Variants in FARS2 observed in about 807,000 individuals in gnomAD.
FARS2 encodes the protein phenylalanine--tRNA ligase, mitochondrial.
In FARS2, 40 loss-of-function variants were observed where a neutral mutation model predicts 46.4. That is an observed-to-expected ratio of 0.86 (90% CI 0.67 to 1.12). The LOEUF (loss-of-function observed/expected upper bound fraction) is 1.12, where lower values mean the gene tolerates loss of function less well. FARS2 is among the 50% of genes most tolerant of loss of function. The pLI, the probability that FARS2 is intolerant of heterozygous loss-of-function variation, is 0.00. For missense variants in FARS2, 513 were observed against 567.9 expected (o/e 0.90, Z 0.98); for synonymous variants, 234 against 214.9 (o/e 1.09, Z -0.78).
At chr6:5,621,248 G>A (rs188196664) in intron 6 of FARS2, among the ~76,000 whole-genome samples, 3 of 151,422 alleles carry the variant, frequency 2.0e-5, no homozygotes, top group African/African-American at 7.3e-5. Flanking sequence ...CACCACACTT[G>A]GCTAACTTTT....
intron 5 of FARS2, among the ~76,000 whole-genome samples, chr6:5,554,078 A>T (rs76732845): frequency 0.038 from 5,777 of 151,758 alleles, 140 homozygotes; most frequent in South Asian, 0.076. Flanking sequence ...TTTGCCCTAA[A>T]TTTTTTTTCC....
rs142479601 is a variant in FARS2, at chr6:5,595,353, G to T, written c.1066-17816G>T. ...GGGGAAATGACGCCTCAGCTGAACC[G>T]CCAATCATGTGCTCTTTCTGATAGG... On this transcript the variant is annotated intron_variant, in intron 5 of 6. Transcript: ENST00000274680. Among the ~76,000 whole-genome samples, 368 of 152,228 alleles carry T rather than the reference G, an allele frequency of 2.4e-3. 3 individuals carry two copies. Among genetic ancestry groups the T allele is most frequent in the African/African-American group, 8.6e-3 (356 of 41,536 alleles).
chr6:5,387,992 A>G (rs559988998), intron 2 of FARS2, among the ~76,000 whole-genome samples: 4 of 152,314 alleles, frequency 2.6e-5, no homozygotes, highest in African/African-American at 9.6e-5. Flanking sequence ...TCCTATTATT[A>G]TCATCTTATA....
chr6:5,415,310 C>CTTTTTTTTTTT (rs773981175), intron 3 of FARS2, among the ~76,000 whole-genome samples: 9 of 53,636 alleles, frequency 1.7e-4, no homozygotes, highest in African/African-American at 4.2e-4. Flanking sequence ...CTTTTCTTTT[C>CTTTTTTTTTTT]TTTTTTTTTT....
At chr6:5,654,955 T>C (rs1389862593) in intron 6 of FARS2, among the ~76,000 whole-genome samples, 2 of 152,346 alleles carry the variant, frequency 1.3e-5, no homozygotes, top group East Asian at 3.9e-4. Flanking sequence ...ATTTTCTTAG[T>C]AACATTTTCT....
intron 1 of FARS2, among the ~76,000 whole-genome samples, chr6:5,274,734 A>G (rs985091004): frequency 3.3e-5 from 5 of 151,686 alleles, no homozygotes; most frequent in African/African-American, 1.2e-4. Flanking sequence ...TTTTTGAGAC[A>G]GGGTCTTGCT....
chr6:5,582,279 G>A (rs1773381911), intron 5 of FARS2, among the ~76,000 whole-genome samples: 2 of 150,438 alleles, frequency 1.3e-5, no homozygotes, highest in South Asian at 4.3e-4. Flanking sequence ...ACATACTTCC[G>A]GTTAATTCCT....
At chr6:5,736,751 A>G in intron 6 of FARS2, among the ~76,000 whole-genome samples, 1 of 152,142 alleles carries the variant, frequency 6.6e-6, no homozygotes. Flanking sequence ...ACCAGCATGA[A>G]TTCAACTCTT....
intron 6 of FARS2, among the ~76,000 whole-genome samples, chr6:5,700,576 T>G (rs1758367089): frequency 6.6e-6 from 1 of 152,144 alleles, no homozygotes; most frequent in Non-Finnish European, 1.5e-5. Context: ...TTTTGTATTT[T>G]TAGTAGAGAC....
At position 5,765,883 on chromosome 6, in the gene FARS2, TAAAGG is replaced by T. The variant is rs1203454845; in HGVS notation, c.1218-5405_1218-5401del. 6.6e-6 allele frequency among the ~76,000 whole-genome samples: 1 copy of T among 152,140 alleles called. No individual in the cohort carries two copies. The highest frequency in any genetic ancestry group is 2.4e-5 in the African/African-American group (1 of 41,416). On this transcript the variant is annotated intron_variant, in intron 6 of 6. Transcript: ENST00000274680. This position sits in a 1 kb window ranked among gnomAD's most constrained non-coding sequence, Gnocchi z 4.0. ...TGAAACATGCTGTTTGTTGAATAACTAAAGGAATCTATGAATAAACTGGTGACAAT... is the reference window on the plus strand; with the variant it reads ...TGAAACATGCTGTTTGTTGAATAACTAATCTATGAATAAACTGGTGACAAT...
chr6:5,385,712 C>A (rs138696144), intron 2 of FARS2, among the ~76,000 whole-genome samples: 45 of 152,288 alleles, frequency 3.0e-4, no homozygotes, highest in Admixed American at 9.2e-4. Flanking sequence ...GTGTGAGCCA[C>A]CACGCCCAGC....
At chr6:5,306,372 ACAG>A (rs1284018510) in intron 1 of FARS2, among the ~76,000 whole-genome samples, 1 of 152,194 alleles carries the variant, frequency 6.6e-6, no homozygotes, top group Non-Finnish European at 1.5e-5. Context: ...GGTTCTTTTA[ACAG>A]CCATGTGATG....
intron 6 of FARS2, among the ~76,000 whole-genome samples, chr6:5,731,721 C>T (rs143792031): frequency 9.9e-5 from 15 of 152,210 alleles, no homozygotes; most frequent in African/African-American, 2.9e-4. Flanking sequence ...CTTTGGGACA[C>T]GCTGTTTGAT....
intron 4 of FARS2, among the ~76,000 whole-genome samples, chr6:5,447,034 C>T (rs6925342): frequency 0.027 from 4,040 of 152,212 alleles, 175 homozygotes; most frequent in African/African-American, 0.092. Context: ...AATGCAAAAT[C>T]GAAGACCTTA....
intron 4 of FARS2, among the ~76,000 whole-genome samples, chr6:5,492,405 G>A (rs1582260343): frequency 6.6e-6 from 1 of 152,196 alleles, no homozygotes; most frequent in East Asian, 1.9e-4. Context: ...CAAGAGATGA[G>A]TTAAAGGATA....
chr6:5,268,836 C>T (rs1765737170), intron 1 of FARS2, among the ~76,000 whole-genome samples: 2 of 152,258 alleles, frequency 1.3e-5, no homozygotes, highest in African/African-American at 4.8e-5. Context: ...TATCCATGAG[C>T]ATGGAATGTT....
chr6:5,364,225 A>G (rs1281929010), intron 1 of FARS2, among the ~76,000 whole-genome samples: 2 of 152,202 alleles, frequency 1.3e-5, no homozygotes, highest in East Asian at 3.9e-4. Flanking sequence ...ATGATCTAGT[A>G]TAATCTTTTC....
intron 4 of FARS2, among the ~76,000 whole-genome samples, chr6:5,532,557 C>T (rs1435993443): frequency 1.3e-5 from 2 of 152,164 alleles, no homozygotes; most frequent in East Asian, 3.9e-4. Context: ...CCAGACCAGC[C>T]TGGCCAACAT....
At chr6:5,612,224 A>G (rs1328877414) in intron 5 of FARS2, among the ~76,000 whole-genome samples, 1 of 152,224 alleles carries the variant, frequency 6.6e-6, no homozygotes, top group African/African-American at 2.4e-5. Flanking sequence ...ATACTTTGCC[A>G]TTTAAAAGCT....
Sources: allele counts gnomAD v4.1 joint callset (sites outside exome capture counted in the v4.1 genomes callset), GRCh38; gene constraint gnomAD v4.1.1; non-coding constraint Gnocchi (gnomAD v3.1); transcripts MANE v1.5; gene names NCBI Gene and HGNC (gene_info 2026-07-23, HGNC 2026-07-21).